Variants in RAP1GAP2 observed in about 807,000 individuals in gnomAD.
RAP1GAP2 encodes the protein rap1 GTPase-activating protein 2.
RAP1GAP2 carries 27 observed loss-of-function variants against 95.0 expected under a neutral mutation model. The ratio of observed to expected loss-of-function variants is 0.28; its 90% confidence interval spans 0.21 to 0.39. The LOEUF (loss-of-function observed/expected upper bound fraction) is 0.39, where lower values mean the gene tolerates loss of function less well. Ranked by LOEUF, RAP1GAP2 falls within the 10% of genes least tolerant of loss-of-function variation. The pLI is 1.00. For synonymous variants in RAP1GAP2, 373 were observed against 380.9 expected (o/e 0.98, Z 0.24); for missense variants, 771 against 970.0 (o/e 0.79, Z 2.72).
At chr17:2,819,617 G>A (rs1201005112) in intron 2 of RAP1GAP2, among the ~76,000 whole-genome samples, 1 of 151,738 alleles carries the variant, frequency 6.6e-6, no homozygotes, top group Admixed American at 6.6e-5. Context: ...GGGATTACAG[G>A]TGCATGCCAC....
rs555233730 is a variant in RAP1GAP2 at position 2,983,231 on chromosome 17, C to A, written c.730-1752C>A. On this transcript the variant is annotated intron_variant, in intron 10 of 24. Transcript: ENST00000254695. ...GGTTGAATCCCTCCTTTTTTTTTTT[C>A]TTTTTTAAATGTCACATTTAATGTT... Among the ~76,000 whole-genome samples the A allele has an allele frequency of 2.8e-5, 4 of 142,260 alleles. 1 individual carries two copies. Among genetic ancestry groups the A allele is most frequent in the African/African-American group, 1.0e-4 (4 of 38,638 alleles). 93.3% of individuals were successfully genotyped at this position (142,260 alleles called of 152,430 possible).
At chr17:2,976,192 T>C (rs1209196068) in intron 8 of RAP1GAP2, among the ~76,000 whole-genome samples, 1 of 152,204 alleles carries the variant, frequency 6.6e-6, no homozygotes, top group African/African-American at 2.4e-5. Context: ...CAAAAAATTG[T>C]GAGGCTATGG....
chr17:2,951,958 C>G (rs1022511300), intron 3 of RAP1GAP2, among the ~76,000 whole-genome samples: 1 of 152,060 alleles, frequency 6.6e-6, no homozygotes, highest in Non-Finnish European at 1.5e-5. Flanking sequence ...CGCTTGAACC[C>G]AGGAGGCGGA....
intron 2 of RAP1GAP2, among the ~76,000 whole-genome samples, chr17:2,771,151 C>G (rs2068383861): frequency 6.6e-6 from 1 of 152,204 alleles, no homozygotes; most frequent in South Asian, 2.1e-4. Flanking sequence ...TCCTTCCTCT[C>G]TGGAGGGAGA....
chr17:2,858,267 T>C (rs1316658720), intron 2 of RAP1GAP2, among the ~76,000 whole-genome samples: 1 of 152,180 alleles, frequency 6.6e-6, no homozygotes, highest in Non-Finnish European at 1.5e-5. Flanking sequence ...GAGGAAGATA[T>C]GGATTCTCTC....
chr17:2,944,699 G>C (rs1292067181), intron 3 of RAP1GAP2, among the ~76,000 whole-genome samples: 1 of 143,024 alleles, frequency 7.0e-6, no homozygotes, highest in East Asian at 1.9e-4. Context: ...GATCGCGTTA[G>C]ATAGGTAGAT....
chr17:2,897,085 C>T (rs1015183563), intron 2 of RAP1GAP2, among the ~76,000 whole-genome samples: 1 of 152,172 alleles, frequency 6.6e-6, no homozygotes, highest in African/African-American at 2.4e-5. Context: ...GCCTATAATC[C>T]CAGCGCTTTG....
At chr17:2,806,407 T>TTATTATTAC (rs1381057025) in intron 2 of RAP1GAP2, among the ~76,000 whole-genome samples, 1 of 149,726 alleles carries the variant, frequency 6.7e-6, no homozygotes, top group South Asian at 2.1e-4. Context: ...ATTATTATTA[T>TTATTATTAC]TTTGAGAGGG....
At chr17:2,989,858 A>G (rs1014954296) in intron 11 of RAP1GAP2, among the ~76,000 whole-genome samples, 4 of 151,424 alleles carry the variant, frequency 2.6e-5, no homozygotes, top group African/African-American at 9.7e-5. Context: ...CATTTTCATC[A>G]CCCCCAAAAG....
intron 10 of RAP1GAP2, 24 bp from the exon 11 acceptor site, chr17:2,984,959 T>A (rs761656230): frequency 6.2e-7 from 1 of 1,606,042 alleles, no homozygotes; most frequent in African/African-American, 1.3e-5. Context: ...ATGTTGATTT[T>A]TTTTTTCTTG....
chr17:2,866,888 C>G lies in RAP1GAP2; in HGVS notation c.81-38396C>G, dbSNP rs1373946430. On this transcript the variant is annotated intron_variant, in intron 2 of 24. Coordinates refer to ENST00000254695, the MANE Select transcript of RAP1GAP2 (RefSeq NM_015085.5). This position sits in a 1 kb window ranked among gnomAD's most constrained non-coding sequence, Gnocchi z 4.0. ...GTGCTGGGATTACAGGTGTGAGCCACTGCACTCGGCCTATTTTATTTTTTA... is the reference window on the plus strand; with the variant it reads ...GTGCTGGGATTACAGGTGTGAGCCAGTGCACTCGGCCTATTTTATTTTTTA... 6.7e-6 allele frequency among the ~76,000 whole-genome samples: 1 copy of G among 150,242 alleles called. No homozygotes were observed. The highest frequency in any genetic ancestry group is 1.5e-5 in the Non-Finnish European group (1 of 67,686).
At chr17:2,837,357 C>T (rs1035874344) in intron 2 of RAP1GAP2, among the ~76,000 whole-genome samples, 10 of 151,928 alleles carry the variant, frequency 6.6e-5, no homozygotes, top group South Asian at 2.1e-4. Context: ...GGGGCAGCCC[C>T]GTATAAACCA....
intron 2 of RAP1GAP2, among the ~76,000 whole-genome samples, chr17:2,876,883 G>A (rs1377901196): frequency 8.1e-5 from 11 of 135,108 alleles, no homozygotes; most frequent in African/African-American, 2.1e-4. Flanking sequence ...TTTGGTTTAC[G>A]TTCTTTTTTT....
intron 1 of RAP1GAP2, among the ~76,000 whole-genome samples, chr17:2,789,621 A>C (rs1025466397): frequency 9.7e-4 from 146 of 150,362 alleles, no homozygotes; most frequent in Non-Finnish European, 1.6e-3. Context: ...AAAAAAAAAA[A>C]AAAAAAAAAC....
At chr17:2,772,968 C>T (rs955079385), upstream of RAP1GAP2, among the ~76,000 whole-genome samples, 2 of 149,866 alleles carry the variant, frequency 1.3e-5, no homozygotes, top group Admixed American at 6.7e-5. Flanking sequence ...AAATGATTCT[C>T]CTGCCTCAGC....
intron 2 of RAP1GAP2, among the ~76,000 whole-genome samples, chr17:2,883,941 C>T (rs1343806914): frequency 1.3e-5 from 2 of 152,222 alleles, no homozygotes; most frequent in Admixed American, 6.5e-5. Flanking sequence ...CGAGCAACAG[C>T]AAAAACTCTA....
chr17:2,949,935 G>A (rs1338171484), intron 3 of RAP1GAP2, among the ~76,000 whole-genome samples: 1 of 152,210 alleles, frequency 6.6e-6, no homozygotes, highest in South Asian at 2.1e-4. Context: ...TCCATGCAGG[G>A]ATCATCCACC....
chr17:2,948,284 A>C (rs1281006595), intron 3 of RAP1GAP2, among the ~76,000 whole-genome samples: 1 of 152,024 alleles, frequency 6.6e-6, no homozygotes, highest in African/African-American at 2.4e-5. Context: ...ACACACCCCC[A>C]CCTCCAGAAG....
chr17:2,990,851 T>TC (rs1567864467), intron 11 of RAP1GAP2, among the ~76,000 whole-genome samples: 1 of 150,632 alleles, frequency 6.6e-6, no homozygotes, highest in East Asian at 1.9e-4. Context: ...TATTCTTTTT[T>TC]TTTTTTTTTT....
Sources: gnomAD v4.1 joint callset for allele counts (sites outside exome capture counted in the v4.1 genomes callset) on GRCh38, gnomAD v4.1.1 for gene constraint, Gnocchi (gnomAD v3.1) non-coding constraint, MANE v1.5 for transcripts, NCBI Gene and HGNC (gene_info 2026-07-23, HGNC 2026-07-21) for gene names.